Variants in TANGO6 observed in about 807,000 individuals in gnomAD.
TANGO6 encodes the protein transport and Golgi organization protein 6 homolog.
TANGO6 carries 90 observed loss-of-function variants against 114.2 expected under a neutral mutation model. That is an observed-to-expected ratio of 0.79 (90% CI 0.66 to 0.94). The LOEUF is 0.94. Ranked by LOEUF, TANGO6 falls within the 40% of genes least tolerant of loss-of-function variation. TANGO6 has a pLI of 0.00. For missense variants in TANGO6, 1,274 were observed against 1,315.3 expected, an observed-to-expected ratio of 0.97 and a Z score of 0.49; for synonymous variants, 477 against 509.8, an observed-to-expected ratio of 0.94 and a Z score of 0.87.
intron 9 of TANGO6, among the ~76,000 whole-genome samples, chr16:68,907,099 A>ATTTTTTTTTTTTT (rs546359676): frequency 5.1e-3 from 584 of 114,606 alleles, no homozygotes; most frequent in Non-Finnish European, 7.6e-3. Flanking sequence ...CCAGACCTTG[A>ATTTTTTTTTTTTT]TTTTTTTTTT....
At chr16:68,864,862 G>T (rs1962152269) in intron 3 of TANGO6, among the ~76,000 whole-genome samples, 1 of 152,162 alleles carries the variant, frequency 6.6e-6, no homozygotes, top group Non-Finnish European at 1.5e-5. Flanking sequence ...TTATATGGGA[G>T]TTGCTTATGA....
chr16:68,988,865 ATTTGT>A (rs1034878305), intron 15 of TANGO6, among the ~76,000 whole-genome samples: 2 of 151,708 alleles, frequency 1.3e-5, no homozygotes, highest in Non-Finnish European at 2.9e-5. Flanking sequence ...CGTACAGCTA[ATTTGT>A]TTTTTGGTTG....
chr16:68,900,234 G>A (rs757872639), intron 7 of TANGO6, 200 bp from the exon 8 acceptor site: 112 of 577,674 alleles, frequency 1.9e-4, no homozygotes, highest in Non-Finnish European at 3.3e-4. Context: ...TGCTGCTCCA[G>A]TTCACTGTCT....
At chr16:69,051,031 C>T (rs1959940178) in intron 17 of TANGO6, among the ~76,000 whole-genome samples, 1 of 150,696 alleles carries the variant, frequency 6.6e-6, no homozygotes, top group Non-Finnish European at 1.5e-5. Flanking sequence ...ATTTTTATTC[C>T]CCCCAAATAA....
intron 15 of TANGO6, among the ~76,000 whole-genome samples, chr16:68,996,790 G>A (rs904011262): frequency 7.9e-5 from 12 of 152,036 alleles, no homozygotes; most frequent in African/African-American, 2.2e-4. Context: ...ATATCAAACC[G>A]AAAGTACACA....
chr16:68,899,236 G>T (rs1195811327), intron 7 of TANGO6, among the ~76,000 whole-genome samples: 2 of 152,028 alleles, frequency 1.3e-5, no homozygotes, highest in African/African-American at 2.4e-5. Flanking sequence ...TTGCACCACT[G>T]CATTCCAGCC....
At chr16:68,873,849 T>G (rs766001273) in intron 4 of TANGO6, among the ~76,000 whole-genome samples, 9 of 152,196 alleles carry the variant, frequency 5.9e-5, no homozygotes, top group Admixed American at 1.3e-4. Context: ...GCTTTTCAGC[T>G]CTGTTAGTGT....
At chr16:69,034,866 T>TC (rs1032973915) in intron 16 of TANGO6, 1 of 151,544 alleles carries the variant, frequency 6.6e-6, no homozygotes, top group Non-Finnish European at 1.5e-5. Context: ...CTTTTTTTTT[T>TC]CTTTTTTTTT....
chr16:68,940,786 A>G (rs567147214), intron 14 of TANGO6, among the ~76,000 whole-genome samples: 6 of 152,302 alleles, frequency 3.9e-5, no homozygotes, highest in Middle Eastern at 3.4e-3. Context: ...ATAACTTGAA[A>G]ACAGTGTACA....
Position 68,927,655 on chromosome 16 carries a change from G to T in TANGO6, c.2215G>T (p.Glu739Ter), listed in dbSNP as rs760111026. 35 of 1,613,878 alleles carry T rather than the reference G, an allele frequency of 2.2e-5. No individual in the cohort carries two copies. Among genetic ancestry groups the T allele is most frequent in the African/African-American group, 5.3e-5 (4 of 74,916 alleles). ...SNTYPDPVIQELAVDLRITIS... is the reference protein window; with the variant it reads ...SNTYPDPVIQ ...CACATACCCTGATCCGGTCATCCAA[G>T]AACTCGCTGTTGATCTCCGCATCAC... is the stretch of plus-strand genomic sequence containing the variant. The change falls in exon 13 of 18, where the codon GAA becomes TAA. Residue 739 changes from glutamate (E) to a stop codon, truncating the protein, a stop_gained. Transcript: ENST00000261778. LOFTEE classifies it high-confidence loss of function.
chr16:68,907,426 T>G lies in TANGO6; in HGVS notation c.1668-17T>G. 2 of 1,563,222 alleles carry G rather than the reference T, an allele frequency of 1.3e-6. No individual in the cohort carries two copies. Among genetic ancestry groups the G allele is most frequent in the East Asian group, 2.3e-5 (1 of 43,722 alleles). On this transcript the variant is annotated splice_polypyrimidine_tract_variant and intron_variant, in intron 9 of 17. Coordinates refer to ENST00000261778, the MANE Select transcript of TANGO6 (RefSeq NM_024562.2). ...CTCTGGTGACACTACCAAGATAAAT[T>G]TTACCCTGCATTGCAGTGATGAAGA...
intron 4 of TANGO6, among the ~76,000 whole-genome samples, chr16:68,873,514 A>G (rs1326142452): frequency 6.9e-6 from 1 of 144,002 alleles, no homozygotes; most frequent in East Asian, 2.1e-4. Context: ...GGGTTTCACC[A>G]TGTAGGCCAG....
At position 68,886,186 on chromosome 16, in the gene TANGO6, T is replaced by G. The variant is rs567189445; in HGVS notation, c.1377+5556T>G. Among the ~76,000 whole-genome samples the G allele has an allele frequency of 3.3e-5, 5 of 152,328 alleles. 1 individual carries two copies. In the South Asian group the frequency reaches 1.0e-3, roughly 32 times the overall value. Reference sequence around the variant, plus strand: ...GCTTATTGGCCATTTTCATGTCTTCTTTGGAGAAATGTCTATTAAGGCCCT... The same window carrying G: ...GCTTATTGGCCATTTTCATGTCTTCGTTGGAGAAATGTCTATTAAGGCCCT... On this transcript the variant is annotated intron_variant, in intron 7 of 17. Transcript: ENST00000261778.
At chr16:68,878,481 AACTTTACATTTTGGCC>A (rs1247440405) in intron 6 of TANGO6, among the ~76,000 whole-genome samples, 1 of 152,182 alleles carries the variant, frequency 6.6e-6, no homozygotes, top group Non-Finnish European at 1.5e-5. Context: ...TAGACCGAAT[AACTTTACATTTTGGCC>A]ACATTTATTT....
At chr16:69,038,378 C>T (rs566948734) in intron 16 of TANGO6, among the ~76,000 whole-genome samples, 2 of 151,390 alleles carry the variant, frequency 1.3e-5, no homozygotes, top group South Asian at 4.2e-4. Flanking sequence ...TGCAGTGAGC[C>T]AAGATTGTAC....
At chr16:69,054,579 T>G (rs1355633416) in intron 17 of TANGO6, among the ~76,000 whole-genome samples, 2 of 152,088 alleles carry the variant, frequency 1.3e-5, no homozygotes, top group African/African-American at 4.8e-5. Flanking sequence ...ATACAATATA[T>G]TATCCTGGGC....
rs764767846 is a variant in TANGO6 at position 69,022,924 on chromosome 16, A to C, written c.2939A>C (p.Asn980Thr). 1 of 1,604,868 alleles carries C rather than the reference A, an allele frequency of 6.2e-7. No homozygotes were observed. The highest frequency in any genetic ancestry group is 1.3e-5 in the African/African-American group (1 of 74,768). ...GCTCACAGGGCCAGCAGCTTGGCCA[A>C]CCTTGGGGAGCTGTGCCAGAGGCTG... ...DGAHRASSLA[N>T]LGELCQRLDF... The change falls in exon 16 of 18, where the codon AAC (asparagine) becomes ACC (threonine). Residue 980 changes from asparagine (N) to threonine (T), a missense_variant. Coordinates refer to ENST00000261778, the MANE Select transcript of TANGO6 (RefSeq NM_024562.2).
intron 17 of TANGO6, among the ~76,000 whole-genome samples, chr16:69,075,876 C>T (rs1371581541): frequency 2.6e-5 from 4 of 151,182 alleles, no homozygotes; most frequent in Admixed American, 1.3e-4. Flanking sequence ...AAGCGATTCC[C>T]GTTTCAGCCT....
intron 15 of TANGO6, among the ~76,000 whole-genome samples, chr16:69,021,275 C>T (rs556941289): frequency 2.0e-5 from 3 of 152,186 alleles, no homozygotes; most frequent in African/African-American, 4.8e-5. Context: ...CAGGCGTGCT[C>T]CTCTACAGGT....
Sources: gnomAD v4.1 joint callset for allele counts (sites outside exome capture counted in the v4.1 genomes callset) on GRCh38, gnomAD v4.1.1 for gene constraint, MANE v1.5 for transcripts, NCBI Gene and HGNC (gene_info 2026-07-23, HGNC 2026-07-21) for gene names.